LMO7: variants seen among roughly 807,000 people sequenced by gnomAD.
LMO7 encodes the protein LIM domain 7.
LMO7 carries 120 observed loss-of-function variants against 206.5 expected under a neutral mutation model. The ratio of observed to expected loss-of-function variants is 0.58; its 90% CI spans 0.50 to 0.68. The LOEUF is 0.68. LMO7 is among the 30% of genes least tolerant of loss of function. The probability of loss-of-function intolerance (pLI) is 0.00; values close to 1 mark genes in which losing one functional copy is unlikely to be tolerated. For missense variants in LMO7, 1,959 were observed against 1,957.9 expected (o/e 1.00, Z -0.01); for synonymous variants, 706 against 681.5 (o/e 1.04, Z -0.56).
intron 11 of LMO7, among the ~76,000 whole-genome samples, chr13:75,812,993 T>C (rs1033476079): frequency 6.6e-6 from 1 of 152,194 alleles, no homozygotes; most frequent in Non-Finnish European, 1.5e-5. Flanking sequence ...GGCCGACAGA[T>C]AGGGATGTGG....
At chr13:75,725,354 A>C (rs892851835) in intron 2 of LMO7, among the ~76,000 whole-genome samples, 1 of 152,086 alleles carries the variant, frequency 6.6e-6, no homozygotes, top group Non-Finnish European at 1.5e-5. Flanking sequence ...ATGTCATTTA[A>C]AGATCAAATT....
chr13:75,736,871 C>G (rs1359683176), intron 3 of LMO7, among the ~76,000 whole-genome samples: 4 of 152,134 alleles, frequency 2.6e-5, no homozygotes, highest in African/African-American at 9.7e-5. Context: ...TTCACAGCAT[C>G]TAGCATAGTG....
In LMO7 at chr13:75,859,310, T is replaced by G. The variant is rs1480152756; in HGVS notation, c.*1367T>G. The G allele has an allele frequency of 6.6e-6, 1 of 152,172 alleles. No individual in the cohort carries two copies. Among genetic ancestry groups the G allele is most frequent in the Non-Finnish European group, 1.5e-5 (1 of 68,000 alleles). The allele number at this position is 152,172 out of a possible 1,614,324, so 9.4% of individuals were successfully genotyped here. A position where few individuals can be genotyped will look rare whatever the true frequency, so the allele number is the denominator to read the frequency against. On this transcript the variant is annotated 3_prime_UTR_variant, in exon 31 of 31. Transcript: ENST00000377534. ...AATAATGTGTTCCTTGAGGATAACT[T>G]GTCAAATGCCCCAAAGCATAAAGAA...
At chr13:75,702,865 T>A (rs2042373083) in intron 1 of LMO7, among the ~76,000 whole-genome samples, 1 of 152,250 alleles carries the variant, frequency 6.6e-6, no homozygotes, top group Admixed American at 6.5e-5. Context: ...AGACAGATTA[T>A]TTAAATGAAA....
intron 1 of LMO7, among the ~76,000 whole-genome samples, chr13:75,686,982 G>T (rs946505570): frequency 2.0e-5 from 3 of 152,064 alleles, no homozygotes; most frequent in Non-Finnish European, 4.4e-5. Flanking sequence ...CCATTCTCAT[G>T]ATCTAAATTA....
intron 3 of LMO7, among the ~76,000 whole-genome samples, chr13:75,735,351 G>A (rs2045708095): frequency 6.6e-6 from 1 of 151,798 alleles, no homozygotes; most frequent in Non-Finnish European, 1.5e-5. Context: ...GGTGGGTTCT[G>A]TGTGTATTTG....
At chr13:75,840,315 G>A in intron 21 of LMO7, 76 bp from the exon 22 acceptor site, 1 of 1,525,744 alleles carries the variant, frequency 6.6e-7, no homozygotes, top group Non-Finnish European at 9.1e-7. Flanking sequence ...ATTTATGTGT[G>A]CAAAAGTGGT....
chr13:75,741,311 G>A (rs1358515437), intron 3 of LMO7, among the ~76,000 whole-genome samples: 1 of 151,972 alleles, frequency 6.6e-6, no homozygotes, highest in Non-Finnish European at 1.5e-5. Flanking sequence ...TCCAAATAAA[G>A]ACATAGGAGA....
chr13:75,682,297 T>C (rs536156057), intron 1 of LMO7, among the ~76,000 whole-genome samples: 1 of 152,360 alleles, frequency 6.6e-6, no homozygotes, highest in African/African-American at 2.4e-5. Flanking sequence ...AGGCCTTAGC[T>C]ACTTCTTCAT....
At position 75,636,479 on chromosome 13, in the gene LMO7, C is replaced by T; in HGVS notation, c.-179C>T. 1.4e-6 allele frequency: 2 copies of T among 1,452,534 alleles called. No individual in the cohort carries two copies. The highest frequency in any genetic ancestry group is 1.8e-6 in the Non-Finnish European group (2 of 1,112,520). The allele number at this position is 1,452,534 out of a possible 1,614,324, so 90.0% of individuals were successfully genotyped here. A position where few individuals can be genotyped will look rare whatever the true frequency, so the allele number is the denominator to read the frequency against. On this transcript the variant is annotated 5_prime_UTR_variant, in exon 1 of 31. Transcript: ENST00000377534. ...TCTTCACGTTCGTGTAGGTTCGAGA[C>T]CTTAACGAACTGCAGAGCGCAACAA...
At chr13:75,773,736 C>T (rs1280788080) in intron 4 of LMO7, among the ~76,000 whole-genome samples, 1 of 152,080 alleles carries the variant, frequency 6.6e-6, no homozygotes, top group East Asian at 1.9e-4. Context: ...GACAGTAGAA[C>T]ATTCAAATGG....
chr13:75,818,271 G>T (rs79041893), intron 12 of LMO7, among the ~76,000 whole-genome samples: 1 of 152,096 alleles, frequency 6.6e-6, no homozygotes, highest in Non-Finnish European at 1.5e-5. Flanking sequence ...GACTAAATGC[G>T]CATTGCTTTT....
At chr13:75,632,862 G>GTTTTTTTTTTTTTTTTTTTTTTTTTTTT (rs10690832), upstream of LMO7, among the ~76,000 whole-genome samples, 283 of 102,130 alleles carry the variant, frequency 2.8e-3, 35 homozygotes, top group South Asian at 4.4e-3. Flanking sequence ...TTACTTAAAA[G>GTTTTTTTTTTTTTTTTTTTTTTTTTTTT]TTTTTTTTTT....
At chr13:75,793,830 C>T (rs1205822114) in intron 4 of LMO7, among the ~76,000 whole-genome samples, 1 of 152,186 alleles carries the variant, frequency 6.6e-6, no homozygotes, top group East Asian at 1.9e-4. Flanking sequence ...CTGTCATTCT[C>T]TTCCCACAAG....
intron 27 of LMO7, among the ~76,000 whole-genome samples, chr13:75,850,264 T>C (rs1167555650): frequency 6.6e-6 from 1 of 152,244 alleles, no homozygotes; most frequent in Non-Finnish European, 1.5e-5. Context: ...TTAAAATTGA[T>C]TAAATTTAAT....
chr13:75,839,356 T>C (rs1390427539), intron 20 of LMO7, among the ~76,000 whole-genome samples: 2 of 152,138 alleles, frequency 1.3e-5, no homozygotes, highest in Admixed American at 6.5e-5. Context: ...ATTTAAAAAA[T>C]TGTATGTGAA....
intron 3 of LMO7, among the ~76,000 whole-genome samples, chr13:75,748,049 G>A (rs2046991031): frequency 6.6e-6 from 1 of 152,130 alleles, no homozygotes; most frequent in African/African-American, 2.4e-5. Context: ...ATTACATGAG[G>A]CTGCTGACTT....
At chr13:75,778,528 G>A (rs886357857) in intron 4 of LMO7, among the ~76,000 whole-genome samples, 1 of 152,220 alleles carries the variant, frequency 6.6e-6, no homozygotes, top group Non-Finnish European at 1.5e-5. Flanking sequence ...CACTGCGCCC[G>A]GCCAATCGAG....
intron 1 of LMO7, among the ~76,000 whole-genome samples, chr13:75,641,606 C>G (rs1409357102): frequency 6.6e-6 from 1 of 152,088 alleles, no homozygotes; most frequent in Non-Finnish European, 1.5e-5. Context: ...GTTTGAATGG[C>G]CAAGAAATGT....
Sources: gnomAD v4.1 joint callset for allele counts (sites outside exome capture counted in the v4.1 genomes callset) on GRCh38, gnomAD v4.1.1 for gene constraint, MANE v1.5 for transcripts, NCBI Gene and HGNC (gene_info 2026-07-23, HGNC 2026-07-21) for gene names.